The following VLDLR variants were observed in gnomAD, a reference collection of about 807,000 sequenced individuals.
The protein encoded by VLDLR is very low-density lipoprotein receptor.
Under a neutral mutation model 112.7 loss-of-function variants are expected in VLDLR, and 81 were observed. The observed-to-expected ratio is 0.72, with a 90% CI of 0.60 to 0.86. The LOEUF (loss-of-function observed/expected upper bound fraction) is 0.86. Ranked by LOEUF, VLDLR falls within the 40% of genes least tolerant of loss-of-function variation. VLDLR has a pLI of 0.00. For synonymous variants in VLDLR, 436 were observed against 384.8 expected, an observed-to-expected ratio of 1.13 and a Z score of -1.56; for missense variants, 1,237 against 1,099.4, an observed-to-expected ratio of 1.13 and a Z score of -1.77.
At chr9:2,632,105 AC>A in intron 1 of VLDLR, among the ~76,000 whole-genome samples, 1 of 152,288 alleles carries the variant, frequency 6.6e-6, no homozygotes, top group Admixed American at 6.5e-5. Context: ...GCGACTTCCA[AC>A]CCCCTCACCC....
rs796733187 is a variant in VLDLR at position 2,656,929 on chromosome 9, G to C, written c.*3061G>C. 2.0e-5 allele frequency: 2 copies of C among 99,636 alleles called. No individual in the cohort carries two copies. Among genetic ancestry groups the C allele is most frequent in the African/African-American group, 7.9e-5 (2 of 25,314 alleles). 6.2% of individuals were successfully genotyped at this position (99,636 alleles called of 1,614,324 possible). A position where few individuals can be genotyped will look rare whatever the true frequency, so the allele number is the denominator to read the frequency against. On this transcript the variant is annotated 3_prime_UTR_variant, in exon 19 of 19. Transcript: ENST00000382100. ...AGGTATCGCTGCCTCTTTAGTTCTTGATGAATACAAGGCAAAAAAAAAAAA... is the reference window on the plus strand; with the variant it reads ...AGGTATCGCTGCCTCTTTAGTTCTTCATGAATACAAGGCAAAAAAAAAAAA...
intron 17 of VLDLR, among the ~76,000 whole-genome samples, chr9:2,652,321 A>G (rs565146210): frequency 2.0e-5 from 3 of 152,224 alleles, no homozygotes; most frequent in Non-Finnish European, 4.4e-5. Flanking sequence ...CTTAAATGCT[A>G]AGAGTTACAG....
rs1037497340 is a variant in VLDLR at position 2,654,995 on chromosome 9, G to A, written c.*1127G>A. ...TCTCAGTGTGGTCCTGAGAACAGAA[G>A]CATCTGCATCACCTGGGAATGTATT... On this transcript the variant is annotated 3_prime_UTR_variant, in exon 19 of 19. Transcript: ENST00000382100. The A allele has an allele frequency of 4.6e-5, 7 of 152,192 alleles. No homozygotes were observed. Among genetic ancestry groups the A allele is most frequent in the African/African-American group, 7.2e-5 (3 of 41,442 alleles). 9.4% of individuals were successfully genotyped at this position (152,192 alleles called of 1,614,324 possible).
intron 1 of VLDLR, among the ~76,000 whole-genome samples, chr9:2,622,916 A>G (rs1270532977): frequency 6.6e-6 from 1 of 151,840 alleles, no homozygotes; most frequent in East Asian, 2.0e-4. Flanking sequence ...GCGGGGCTTT[A>G]CGCAGGACTC....
intron 15 of VLDLR, 93 bp downstream of exon 15, chr9:2,650,609 A>G (rs1481351605): frequency 6.6e-6 from 10 of 1,519,472 alleles, no homozygotes; most frequent in Non-Finnish European, 9.0e-6. Flanking sequence ...TGTCTTAGCT[A>G]ATTCTTTGAA....
intron 1 of VLDLR, among the ~76,000 whole-genome samples, chr9:2,631,313 G>C (rs1817339660): frequency 6.6e-6 from 1 of 152,106 alleles, no homozygotes; most frequent in Non-Finnish European, 1.5e-5. Context: ...CCCTCTACTG[G>C]GTATCTACCC....
In VLDLR at chr9:2,640,934, T is replaced by C. The variant is rs1048532170; in HGVS notation, c.326-443T>C. On this transcript the variant is annotated intron_variant, in intron 3 of 18. Transcript: ENST00000382100. Reference sequence around the variant, plus strand: ...TGCAAGATGTCAATCTAAAGGACATTGTGAAGGAGGCCCATAAAGGAATCT... The same window carrying C: ...TGCAAGATGTCAATCTAAAGGACATCGTGAAGGAGGCCCATAAAGGAATCT... Among the ~76,000 whole-genome samples the C allele has an allele frequency of 3.9e-5, 6 of 152,198 alleles. No individual in the cohort carries two copies. In the South Asian group the frequency reaches 1.2e-3, roughly 32 times the overall value.
chr9:2,633,049 AGAGTGTGTGTGTGT>A (rs1418514703), intron 1 of VLDLR, among the ~76,000 whole-genome samples: 521 of 107,106 alleles, frequency 4.9e-3, no homozygotes, highest in African/African-American at 0.017. Flanking sequence ...AGAGAGAGAG[AGAGTGTGTGTGTGT>A]GTGTGTGTGT....
In VLDLR at chr9:2,643,719, C is replaced by T. The variant is rs753079453; in HGVS notation, c.912C>T (p.Val304=). Residue 304 remains valine, a synonymous_variant, in exon 6 of 19, where the codon GTC becomes GTT. Coordinates refer to ENST00000382100, the MANE Select transcript of VLDLR (RefSeq NM_003383.5). ...AGTGTAATGGTATCCGAGACTGTGT[C>T]GATGGTTCCGATGAAGTCAACTGCA... is the stretch of plus-strand genomic sequence containing the variant. ...SRQCNGIRDC[V]DGSDEVNCKN... The T allele has an allele frequency of 2.3e-5, 37 of 1,614,024 alleles. No homozygotes were observed. The highest frequency in any genetic ancestry group is 6.7e-5 in the East Asian group (3 of 44,894).
chr9:2,649,546 C>T (rs913184518), intron 14 of VLDLR, among the ~76,000 whole-genome samples: 5 of 152,124 alleles, frequency 3.3e-5, no homozygotes, highest in Non-Finnish European at 5.9e-5. Flanking sequence ...AGTGAGCCAC[C>T]ACGTCCAGCT....
Position 2,644,963 on chromosome 9 carries a change from A to G in VLDLR, c.1193A>G (p.Asp398Gly), listed in dbSNP as rs778213045. Residue 398 changes from aspartate to glycine, a missense_variant, in exon 9 of 19, where the codon GAT becomes GGT. Asp to Gly is a moderately conservative substitution (Grantham distance 94, BLOSUM62 -1). Transcript: ENST00000382100. Reference protein sequence around the residue: ...LIDRKTCGDIDECQNPGICSQ... With the variant: ...LIDRKTCGDIGECQNPGICSQ... ...ATTCTGATTTCCCTCCCAGATATTG[A>G]TGAATGCCAAAATCCAGGAATCTGC... The G allele has an allele frequency of 6.2e-7, 1 of 1,614,206 alleles. No homozygotes were observed. Among genetic ancestry groups the G allele is most frequent in the East Asian group, 2.2e-5 (1 of 44,882 alleles).
chr9:2,635,360 G>C, intron 1 of VLDLR, 93 bp from the exon 2 acceptor site: 1 of 1,596,910 alleles, frequency 6.3e-7, no homozygotes, highest in African/African-American at 1.3e-5. Context: ...CGAGTCTGCA[G>C]TATCCTTCTG....
intron 1 of VLDLR, among the ~76,000 whole-genome samples, chr9:2,629,981 A>C (rs1417712845): frequency 6.6e-6 from 1 of 152,154 alleles, no homozygotes; most frequent in Non-Finnish European, 1.5e-5. Context: ...TTTAGCAGAC[A>C]CTGGGTTTCA....
chr9:2,641,538 C>G (rs762384802), intron 4 of VLDLR, 39 bp downstream of exon 4: 1 of 1,613,060 alleles, frequency 6.2e-7, no homozygotes, highest in East Asian at 2.2e-5. Flanking sequence ...CCCAAAGACC[C>G]TTTTCCTAAA....
In VLDLR at chr9:2,649,179, C is replaced by T. The variant is rs137862685; in HGVS notation, c.2104+369C>T. ...CTAGGATTTTTGCAATGAAGTACCA[C>T]AGACTATCTTAAACAACAGAAATTT... On this transcript the variant is annotated intron_variant, in intron 14 of 18. Transcript: ENST00000382100. Among the ~76,000 whole-genome samples the T allele has an allele frequency of 7.0e-3, 1,070 of 152,288 alleles. 17 individuals carry two copies. Among genetic ancestry groups the T allele is most frequent in the African/African-American group, 0.023 (963 of 41,548 alleles).
In VLDLR at chr9:2,621,797, C is replaced by G; in HGVS notation, c.-393C>G. ...CCCTCCCCGCTGCTCACCCCGCTCT[C>G]CGGCCGCCGCCGGTGCGGGTGCTCC... On this transcript the variant is annotated 5_prime_UTR_variant, in exon 1 of 19. Coordinates refer to ENST00000382100, the MANE Select transcript of VLDLR (RefSeq NM_003383.5). 8.4e-6 allele frequency: 4 copies of G among 477,750 alleles called. No individual in the cohort carries two copies. Among genetic ancestry groups the G allele is most frequent in the South Asian group, 1.6e-5 (1 of 62,390 alleles). The allele number at this position is 477,750 out of a possible 1,614,324, so 29.6% of individuals were successfully genotyped here.
intron 2 of VLDLR, among the ~76,000 whole-genome samples, chr9:2,636,518 G>C (rs1817604142): frequency 6.6e-6 from 1 of 152,144 alleles, no homozygotes; most frequent in East Asian, 1.9e-4. Flanking sequence ...GGCAGACCTT[G>C]TGCTACACCT....
rs571666263 is a variant in VLDLR at position 2,627,095 on chromosome 9, G to C, written c.82+4824G>C. Among the ~76,000 whole-genome samples, 25 of 152,250 alleles carry C rather than the reference G, an allele frequency of 1.6e-4. No homozygotes were observed. In the South Asian group the frequency reaches 4.8e-3, roughly 29 times the overall value. ...TCCTTCCTTTGTGGCACTTAGTCTA[G>C]TAGGGGAATCAAAGCAGGAAACAGC... On this transcript the variant is annotated intron_variant, in intron 1 of 18. Transcript: ENST00000382100.
In VLDLR at chr9:2,643,258, A is replaced by C; in HGVS notation, c.547A>C (p.Ser183Arg). Residue 183 changes from serine (S) to arginine (R), a missense_variant, in exon 5 of 19, where the codon AGT becomes CGT. Ser to Arg is a moderately radical substitution (Grantham distance 110). Transcript: ENST00000382100. ...TGGCCAGGATGACTGCAGCGATGGC[A>C]GTGATGAGCTGGACTGTGCCCCGCC... is the stretch of plus-strand genomic sequence containing the variant. ...CNGQDDCSDG[S>R]DELDCAPPTC... 1 of 1,614,170 alleles carries C rather than the reference A, an allele frequency of 6.2e-7. No individual in the cohort carries two copies. The highest frequency in any genetic ancestry group is 8.5e-7 in the Non-Finnish European group (1 of 1,180,014).
Sources: gnomAD v4.1 joint callset for allele counts (sites outside exome capture counted in the v4.1 genomes callset) on GRCh38, gnomAD v4.1.1 for gene constraint, MANE v1.5 for transcripts, NCBI Gene and HGNC (gene_info 2026-07-23, HGNC 2026-07-21) for gene names.